LRP1B: variants seen among roughly 807,000 people sequenced by gnomAD.
LRP1B encodes LDL receptor related protein 1B.
A neutral mutation model predicts 556.6 loss-of-function variants in LRP1B; 217 were observed. The observed-to-expected ratio is 0.39, with a 90% confidence interval of 0.35 to 0.44. The LOEUF (loss-of-function observed/expected upper bound fraction) is 0.44, where lower values mean the gene tolerates loss of function less well. Ranked by LOEUF, LRP1B falls within the 20% of genes least tolerant of loss-of-function variation. The probability of loss-of-function intolerance (pLI) is 1.00; values close to 1 mark genes in which losing one functional copy is unlikely to be tolerated. For synonymous variants in LRP1B, 2,047 were observed against 1,865.8 expected (o/e 1.10, Z -2.50); for missense variants, 5,053 against 5,620.8 (o/e 0.90, Z 3.23).
intron 41 of LRP1B, among the ~76,000 whole-genome samples, chr2:140,694,125 A>G (rs1411142968): frequency 6.6e-6 from 1 of 152,222 alleles, no homozygotes; most frequent in Non-Finnish European, 1.5e-5. Context: ...ATCAGAATGC[A>G]TCCCACTAAA....
chr2:140,335,775 T>C lies in LRP1B; in HGVS notation c.11956A>G (p.Thr3986Ala). Residue 3986 changes from threonine to alanine, a missense_variant, in exon 78 of 91, where the codon ACT (threonine) becomes GCT (alanine). Transcript: ENST00000389484. ...VDWVAGNIYW[T>A]DHSRMHWFSY... ...AACCAATGCATTCTAGAATGATCAGTCCAGTAAATGTTTCCAGCCACCCAG... is the reference window on the plus strand; with the variant it reads ...AACCAATGCATTCTAGAATGATCAGCCCAGTAAATGTTTCCAGCCACCCAG... 1 of 1,612,884 alleles carries C rather than the reference T, an allele frequency of 6.2e-7. No individual in the cohort carries two copies. Among genetic ancestry groups the C allele is most frequent in the Non-Finnish European group, 8.5e-7 (1 of 1,179,304 alleles).
In LRP1B at chr2:141,565,045, T is replaced by C. The variant is rs186157898; in HGVS notation, c.206-84512A>G. Among the ~76,000 whole-genome samples, 289 of 152,214 alleles carry C rather than the reference T, an allele frequency of 1.9e-3. 2 individuals are homozygous for C. The highest frequency in any genetic ancestry group is 5.2e-3 in the African/African-American group (214 of 41,538). Reference sequence around the variant, plus strand: ...AAAAGAATTTGTGTGCTGAGCAAAGTTGGTAACCTTGATACTGCTATAATT... The same window carrying C: ...AAAAGAATTTGTGTGCTGAGCAAAGCTGGTAACCTTGATACTGCTATAATT... On this transcript the variant is annotated intron_variant, in intron 2 of 90. Coordinates refer to ENST00000389484, the MANE Select transcript of LRP1B (RefSeq NM_018557.3).
At chr2:141,870,574 A>C (rs1698550726) in intron 1 of LRP1B, among the ~76,000 whole-genome samples, 1 of 152,000 alleles carries the variant, frequency 6.6e-6, no homozygotes, top group Admixed American at 6.6e-5. Context: ...AAAATATATG[A>C]ATGTAGAATA....
chr2:140,894,264 T>C (rs1693882508), intron 23 of LRP1B, among the ~76,000 whole-genome samples: 1 of 152,164 alleles, frequency 6.6e-6, no homozygotes, highest in East Asian at 1.9e-4. Context: ...TCAGTAAAAA[T>C]ACTATGTTTT....
intron 1 of LRP1B, among the ~76,000 whole-genome samples, chr2:141,985,509 A>AT (rs201421461): frequency 0.016 from 2,286 of 144,874 alleles, 52 homozygotes; most frequent in African/African-American, 0.052. Context: ...GAGAATTTTT[A>AT]TTTTTTTGGG....
intron 22 of LRP1B, among the ~76,000 whole-genome samples, chr2:140,905,039 C>T (rs1193518266): frequency 6.6e-6 from 1 of 152,016 alleles, no homozygotes; most frequent in African/African-American, 2.4e-5. Context: ...ATTCTTAGCC[C>T]TAAACCTGTC....
chr2:140,306,862 G>T (rs1044479437), intron 83 of LRP1B, among the ~76,000 whole-genome samples: 4 of 152,020 alleles, frequency 2.6e-5, no homozygotes, highest in Middle Eastern at 3.4e-3. Flanking sequence ...TTGTGTCTTT[G>T]TTCTCATTGG....
intron 1 of LRP1B, among the ~76,000 whole-genome samples, chr2:141,941,375 G>C (rs1430197756): frequency 6.6e-6 from 1 of 152,176 alleles, no homozygotes; most frequent in Non-Finnish European, 1.5e-5. Context: ...CAAATGCAAG[G>C]CTCATCACTG....
At chr2:140,864,618 A>G (rs1424079527) in intron 27 of LRP1B, among the ~76,000 whole-genome samples, 1 of 152,042 alleles carries the variant, frequency 6.6e-6, no homozygotes, top group African/African-American at 2.4e-5. Context: ...CTAACACATG[A>G]CCCAAAAAGT....
chr2:141,158,223 G>C (rs1002914459), intron 7 of LRP1B, among the ~76,000 whole-genome samples: 3 of 151,728 alleles, frequency 2.0e-5, no homozygotes, highest in African/African-American at 7.3e-5. Flanking sequence ...TCTTTACCCC[G>C]CTGCTATTAA....
intron 2 of LRP1B, 41 bp downstream of exon 2, chr2:141,810,238 T>G: frequency 1.2e-6 from 2 of 1,601,436 alleles, no homozygotes; most frequent in Non-Finnish European, 1.7e-6. Context: ...TAGTTTCACA[T>G]GTAAGGTAAA....
chr2:141,182,387 A>T (rs1681040641), intron 7 of LRP1B, among the ~76,000 whole-genome samples: 1 of 151,956 alleles, frequency 6.6e-6, no homozygotes, highest in Non-Finnish European at 1.5e-5. Context: ...ACTGATTAAA[A>T]GAAGTGGGCA....
chr2:141,556,244 G>T (rs1384662), intron 2 of LRP1B, among the ~76,000 whole-genome samples: 56,113 of 151,648 alleles, frequency 0.37, 10,925 homozygotes, highest in Non-Finnish European at 0.44. Context: ...AAGAATGTAC[G>T]GGCATTGAAG....
chr2:141,484,699 C>T (rs1683054066), intron 2 of LRP1B, among the ~76,000 whole-genome samples: 1 of 151,884 alleles, frequency 6.6e-6, no homozygotes, highest in South Asian at 2.1e-4. Flanking sequence ...AGTTGGATTC[C>T]TAGGTATTTT....
chr2:141,618,921 A>C (rs1040738396), intron 2 of LRP1B, among the ~76,000 whole-genome samples: 4 of 152,202 alleles, frequency 2.6e-5, no homozygotes, highest in African/African-American at 9.6e-5. Flanking sequence ...AGGAAAATAC[A>C]TTATATATTG....
chr2:140,252,087 A>AC lies in LRP1B; in HGVS notation c.13248-4926_13248-4925insG, dbSNP rs1553482273. ...CAAAAAAAAAAAAAAAAAAAAAAAA[A>AC]AACCCAAAAAACAAAAAAAAACAGA... is the stretch of plus-strand genomic sequence containing the variant. On this transcript the variant is annotated intron_variant, in intron 86 of 90. Transcript: ENST00000389484. Among the ~76,000 whole-genome samples, 89 of 111,682 alleles carry AC rather than the reference A, an allele frequency of 8.0e-4. 4 individuals carry two copies. Among genetic ancestry groups the AC allele is most frequent in the African/African-American group, 3.4e-3 (84 of 24,584 alleles). 73.3% of individuals were successfully genotyped at this position (111,682 alleles called of 152,430 possible). A position where few individuals can be genotyped will look rare whatever the true frequency, so the allele number is the denominator to read the frequency against.
At chr2:141,272,918 A>T (rs1403498848) in intron 3 of LRP1B, among the ~76,000 whole-genome samples, 1 of 152,242 alleles carries the variant, frequency 6.6e-6, no homozygotes. Flanking sequence ...ACAATTAAGC[A>T]GTAGATCAAC....
chr2:141,079,994 C>A (rs571917157), intron 7 of LRP1B, among the ~76,000 whole-genome samples: 1 of 152,310 alleles, frequency 6.6e-6, no homozygotes, highest in South Asian at 2.1e-4. Flanking sequence ...ATATGCTCCA[C>A]GAATACGTGT....
intron 3 of LRP1B, among the ~76,000 whole-genome samples, chr2:141,385,240 GTACAC>G (rs1689787491): frequency 6.6e-6 from 1 of 152,080 alleles, no homozygotes; most frequent in Non-Finnish European, 1.5e-5. Flanking sequence ...AGAATCAAGA[GTACAC>G]TACAAAATAT....
Sources: gnomAD v4.1 joint callset for allele counts (sites outside exome capture counted in the v4.1 genomes callset) on GRCh38, gnomAD v4.1.1 for gene constraint, MANE v1.5 for transcripts, NCBI Gene and HGNC (gene_info 2026-07-23, HGNC 2026-07-21) for gene names.